Variants in SPATS2 observed in about 807,000 individuals in gnomAD.
The protein encoded by SPATS2 is spermatogenesis associated serine rich 2.
Under a neutral mutation model 63.7 loss-of-function variants are expected in SPATS2, and 38 were observed. The observed-to-expected ratio is 0.60, with a 90% CI of 0.46 to 0.78. The LOEUF is 0.78. Among genes scored for constraint, SPATS2 ranks in the 30% least tolerant of loss-of-function variants. The pLI, the probability that SPATS2 is intolerant of heterozygous loss-of-function variation, is 0.00. For missense variants in SPATS2, 588 were observed against 666.2 expected (o/e 0.88, Z 1.29); for synonymous variants, 207 against 232.9 (o/e 0.89, Z 1.01).
At chr12:49,494,342 G>T (rs573988481) in intron 6 of SPATS2, among the ~76,000 whole-genome samples, 3 of 152,134 alleles carry the variant, frequency 2.0e-5, no homozygotes, top group African/African-American at 7.2e-5. Flanking sequence ...TTAGACTGAG[G>T]TTGCATATCA....
intron 2 of SPATS2, among the ~76,000 whole-genome samples, chr12:49,397,338 C>T (rs796691144): frequency 1.2e-4 from 19 of 152,204 alleles, no homozygotes; most frequent in African/African-American, 4.6e-4. Context: ...TCTTGCTCAT[C>T]ACTGTATTTC....
intron 2 of SPATS2, among the ~76,000 whole-genome samples, chr12:49,376,688 T>G (rs938557371): frequency 2.0e-5 from 3 of 151,384 alleles, no homozygotes; most frequent in African/African-American, 7.3e-5. Context: ...TGAACCATTG[T>G]ACCTGGCCGG....
At chr12:49,420,734 G>A (rs979026124) in intron 2 of SPATS2, among the ~76,000 whole-genome samples, 1 of 152,114 alleles carries the variant, frequency 6.6e-6, no homozygotes, top group Non-Finnish European at 1.5e-5. Context: ...TTAACATTTG[G>A]TAGGCGTGGT....
At chr12:49,409,698 G>C (rs1160106325) in intron 2 of SPATS2, among the ~76,000 whole-genome samples, 1 of 148,984 alleles carries the variant, frequency 6.7e-6, no homozygotes, top group East Asian at 2.0e-4. Flanking sequence ...CGCCTCTCAG[G>C]TTCAAGCAAT....
chr12:49,496,304 G>A (rs895443620), intron 7 of SPATS2, among the ~76,000 whole-genome samples: 1 of 152,022 alleles, frequency 6.6e-6, no homozygotes, highest in Non-Finnish European at 1.5e-5. Flanking sequence ...TGAGAGACCT[G>A]GTCTCTCTCT....
intron 3 of SPATS2, chr12:49,461,260 C>A: frequency 1.9e-6 from 1 of 528,964 alleles, no homozygotes; most frequent in Non-Finnish European, 3.3e-6. Flanking sequence ...GCTTAACAAT[C>A]TTGAAGATGC....
At chr12:49,519,388 C>T (rs1047570050) in intron 11 of SPATS2, among the ~76,000 whole-genome samples, 2 of 152,128 alleles carry the variant, frequency 1.3e-5, no homozygotes, top group Admixed American at 1.3e-4. Flanking sequence ...TTCTCCATTT[C>T]CCACCTTAAA....
At chr12:49,378,178 G>A (rs1190444954) in intron 2 of SPATS2, among the ~76,000 whole-genome samples, 1 of 151,970 alleles carries the variant, frequency 6.6e-6, no homozygotes, top group Non-Finnish European at 1.5e-5. Context: ...TCACCATGTT[G>A]GCCAGGCTGG....
Position 49,497,005 on chromosome 12 carries a change from G to A in SPATS2, c.699G>A (p.Lys233=). The change falls in exon 8 of 14, where the codon AAG becomes AAA. Residue 233 remains lysine (K), a synonymous_variant. Coordinates refer to ENST00000552918, the MANE Select transcript of SPATS2 (RefSeq NM_023071.4). ...MEDVPLATSK[K]LSSNIEKSVK... ...ATGTTCCCCTCGCCACCAGTAAAAA[G>A]CTAAGTAAGTCAGAGGCCCACCTGT... The A allele has an allele frequency of 6.5e-7, 1 of 1,539,696 alleles. No individual in the cohort carries two copies. Among genetic ancestry groups the A allele is most frequent in the Non-Finnish European group, 8.7e-7 (1 of 1,146,262 alleles).
rs367562727 is a variant in SPATS2, at chr12:49,524,609, T to C, written c.1112-73T>C. ...TTATCTTAAATTGCTCATTGTGAAA[T>C]TGAGAAAGTAGAAACCTTATCCATT... On this transcript the variant is annotated intron_variant, in intron 12 of 13. Transcript: ENST00000552918. The C allele has an allele frequency of 7.4e-5, 109 of 1,477,798 alleles. No individual in the cohort carries two copies. The Middle Eastern group carries it at 1.4e-3, about 19-fold the overall frequency. 91.5% of individuals were successfully genotyped at this position (1,477,798 alleles called of 1,614,324 possible).
chr12:49,454,524 T>C (rs1265796855), intron 2 of SPATS2: 2 of 152,228 alleles, frequency 1.3e-5, no homozygotes, highest in Non-Finnish European at 2.9e-5. Flanking sequence ...TTTGCTGTTA[T>C]TGCTGTCTGC....
In SPATS2 at chr12:49,483,599, G is replaced by T. The variant is rs564168425; in HGVS notation, c.26-991G>T. Among the ~76,000 whole-genome samples, 10 of 152,298 alleles carry T rather than the reference G, an allele frequency of 6.6e-5. No homozygotes were observed. The South Asian group carries it at 2.1e-3, about 32-fold the overall frequency. On this transcript the variant is annotated intron_variant, in intron 3 of 13. Transcript: ENST00000552918. ...CAAGGTTCAAGATTAAGCCATGAAA[G>T]AATCTTTAATTGAAACATATCTGTA...
At chr12:49,500,047 A>G in intron 8 of SPATS2, 23 bp from the exon 9 acceptor site, 1 of 1,394,848 alleles carries the variant, frequency 7.2e-7, no homozygotes, top group Non-Finnish European at 9.3e-7. Context: ...TTTTTTTTTA[A>G]TATTTCGGTT....
intron 2 of SPATS2, among the ~76,000 whole-genome samples, chr12:49,394,202 A>G (rs1395504246): frequency 6.6e-6 from 1 of 151,938 alleles, no homozygotes; most frequent in Admixed American, 6.6e-5. Flanking sequence ...GCCGGGCTTC[A>G]TGGTGCACAC....
intron 2 of SPATS2, among the ~76,000 whole-genome samples, chr12:49,393,343 G>T (rs1271934978): frequency 6.6e-6 from 1 of 152,016 alleles, no homozygotes; most frequent in Non-Finnish European, 1.5e-5. Flanking sequence ...GATTTTAGCA[G>T]CCATTGATTG....
At chr12:49,409,855 G>C (rs1236254081) in intron 2 of SPATS2, among the ~76,000 whole-genome samples, 1 of 151,820 alleles carries the variant, frequency 6.6e-6, no homozygotes, top group Non-Finnish European at 1.5e-5. Context: ...CACCTGCCTT[G>C]GCCTCCTAAA....
At chr12:49,419,131 G>A (rs1203924480) in intron 2 of SPATS2, among the ~76,000 whole-genome samples, 2 of 152,146 alleles carry the variant, frequency 1.3e-5, no homozygotes, top group African/African-American at 2.4e-5. Context: ...AACTTTTTAT[G>A]CTTTTAAGTC....
At chr12:49,409,229 A>G (rs1944751864) in intron 2 of SPATS2, among the ~76,000 whole-genome samples, 1 of 152,310 alleles carries the variant, frequency 6.6e-6, no homozygotes, top group East Asian at 1.9e-4. Flanking sequence ...TAAAAGCTGC[A>G]TTTAGAGGAT....
At chr12:49,433,756 A>C (rs1945226557) in intron 2 of SPATS2, among the ~76,000 whole-genome samples, 2 of 152,048 alleles carry the variant, frequency 1.3e-5, no homozygotes, top group Admixed American at 1.3e-4. Context: ...TTGCCTTTTT[A>C]CTTCATTGAT....
Sources: gnomAD v4.1 joint callset for allele counts (sites outside exome capture counted in the v4.1 genomes callset) on GRCh38, gnomAD v4.1.1 for gene constraint, MANE v1.5 for transcripts, NCBI Gene and HGNC (gene_info 2026-07-23, HGNC 2026-07-21) for gene names.